RAP1B: variants seen among roughly 807,000 people sequenced by gnomAD.
The protein encoded by RAP1B is RAP1B, member of RAS oncogene family.
In RAP1B, 1 loss-of-function variant was observed where a neutral mutation model predicts 27.5. The ratio of observed to expected loss-of-function variants is 0.04; its 90% CI spans 0.01 to 0.17. The LOEUF (loss-of-function observed/expected upper bound fraction) is 0.17. Among genes scored for constraint, RAP1B ranks in the 10% least tolerant of loss-of-function variants. RAP1B has a pLI of 1.00. For synonymous variants in RAP1B, 75 were observed against 73.1 expected (o/e 1.03, Z -0.13); for missense variants, 84 against 214.8 (o/e 0.39, Z 3.81).
chr12:68,642,240 A>G (rs917262592), intron 1 of RAP1B, among the ~76,000 whole-genome samples: 3 of 152,248 alleles, frequency 2.0e-5, no homozygotes, highest in Non-Finnish European at 4.4e-5. Context: ...AGTTTTTACA[A>G]ATAAATGCTC....
At chr12:68,648,627 T>G (rs1259513086) in intron 1 of RAP1B, 72 bp from the exon 2 acceptor site, 26 of 1,206,276 alleles carry the variant, frequency 2.2e-5, no homozygotes, top group Admixed American at 2.0e-4. Flanking sequence ...TTCCTGAATG[T>G]TTTATTTCTG....
At chr12:68,634,332 GAC>G (rs1044720379) in intron 1 of RAP1B, among the ~76,000 whole-genome samples, 7 of 152,146 alleles carry the variant, frequency 4.6e-5, no homozygotes, top group African/African-American at 1.7e-4. Flanking sequence ...GAGGAAATGA[GAC>G]ACAGTTTAAA....
At chr12:68,646,858 G>T (rs774636819) in intron 1 of RAP1B, among the ~76,000 whole-genome samples, 1 of 152,046 alleles carries the variant, frequency 6.6e-6, no homozygotes, top group Admixed American at 6.6e-5. Context: ...TTTTTATTTA[G>T]TTTTTTCTAG....
chr12:68,639,068 CGA>C (rs535418535), intron 1 of RAP1B, among the ~76,000 whole-genome samples: 42 of 152,250 alleles, frequency 2.8e-4, no homozygotes, highest in African/African-American at 8.7e-4. Context: ...GGGATCTAGT[CGA>C]GAAGTCAAAA....
chr12:68,613,857 CT>C (rs1870793115), intron 1 of RAP1B, among the ~76,000 whole-genome samples: 2 of 152,162 alleles, frequency 1.3e-5, no homozygotes, highest in African/African-American at 4.8e-5. Context: ...TTTGGAATCC[CT>C]TTTACTTGAC....
intron 1 of RAP1B, chr12:68,624,981 A>G (rs974578094): frequency 2.0e-5 from 3 of 152,246 alleles, no homozygotes; most frequent in African/African-American, 7.2e-5. Context: ...AGCCTAGTTA[A>G]CCACCCAGAC....
At chr12:68,611,633 C>G (rs570860029) in intron 1 of RAP1B, among the ~76,000 whole-genome samples, 4 of 152,172 alleles carry the variant, frequency 2.6e-5, no homozygotes, top group Non-Finnish European at 5.9e-5. Context: ...TTGCCTGAAA[C>G]GGGGCTTGCT....
At chr12:68,614,324 C>A (rs937730334) in intron 1 of RAP1B, among the ~76,000 whole-genome samples, 3 of 152,198 alleles carry the variant, frequency 2.0e-5, no homozygotes, top group African/African-American at 7.2e-5. Flanking sequence ...TATCGACTAT[C>A]ACACAGATCT....
At chr12:68,649,771 A>G (rs1873678578) in intron 2 of RAP1B, 1 of 152,294 alleles carries the variant, frequency 6.6e-6, no homozygotes, top group Non-Finnish European at 1.5e-5. Context: ...ATGTGTGTAT[A>G]CATAACAATT....
At chr12:68,617,403 G>A (rs1401979179) in intron 1 of RAP1B, among the ~76,000 whole-genome samples, 10 of 152,166 alleles carry the variant, frequency 6.6e-5, no homozygotes, top group African/African-American at 2.4e-4. Flanking sequence ...CTGGAATCTT[G>A]AATTGAGGGA....
At chr12:68,638,331 TG>T (rs1301199191) in intron 1 of RAP1B, among the ~76,000 whole-genome samples, 3 of 152,182 alleles carry the variant, frequency 2.0e-5, no homozygotes, top group Non-Finnish European at 4.4e-5. Context: ...TGAGAGAGGA[TG>T]TCATGTCCGT....
intron 1 of RAP1B, among the ~76,000 whole-genome samples, chr12:68,630,025 A>G (rs1001354377): frequency 1.3e-5 from 2 of 152,242 alleles, no homozygotes; most frequent in Non-Finnish European, 2.9e-5. Context: ...CTTAAACCAC[A>G]GTAGCCATTG....
At chr12:68,646,243 T>C (rs1464705614) in intron 1 of RAP1B, among the ~76,000 whole-genome samples, 5 of 152,150 alleles carry the variant, frequency 3.3e-5, no homozygotes, top group Non-Finnish European at 7.4e-5. Flanking sequence ...TTGTGTTATG[T>C]TTGGAGGTTT....
At chr12:68,653,764 C>T (rs1592466509) in intron 4 of RAP1B, among the ~76,000 whole-genome samples, 1 of 151,514 alleles carries the variant, frequency 6.6e-6, no homozygotes. Flanking sequence ...CCGTCTCTAC[C>T]GAAATACAAG....
chr12:68,635,091 A>C (rs1424082735), intron 1 of RAP1B, among the ~76,000 whole-genome samples: 1 of 152,230 alleles, frequency 6.6e-6, no homozygotes, highest in African/African-American at 2.4e-5. Context: ...CCTCATTATG[A>C]GAGAGGCAGA....
chr12:68,657,011 C>T, intron 6 of RAP1B, 90 bp from the exon 7 acceptor site: 3 of 1,056,918 alleles, frequency 2.8e-6, no homozygotes, highest in Admixed American at 2.0e-5. Context: ...AATTTATATC[C>T]ATGGAAATTT....
At chr12:68,650,510 A>G in intron 3 of RAP1B, 42 bp downstream of exon 3, 2 of 1,344,886 alleles carry the variant, frequency 1.5e-6, no homozygotes, top group Non-Finnish European at 2.0e-6. Context: ...TGATTTTAAT[A>G]TAAATACTTA....
chr12:68,636,839 C>T (rs545398762), intron 1 of RAP1B, among the ~76,000 whole-genome samples: 60 of 151,598 alleles, frequency 4.0e-4, no homozygotes, highest in South Asian at 4.0e-3. Context: ...TTTTTAGTAG[C>T]GATGGGGTTT....
In RAP1B at chr12:68,656,289, C is replaced by G; in HGVS notation, c.325-17C>G. On this transcript the variant is annotated splice_polypyrimidine_tract_variant and intron_variant, in intron 5 of 7. Coordinates refer to ENST00000250559, the MANE Select transcript of RAP1B (RefSeq NM_001010942.3). ...ATATTTACTTATTTATTTTTACTCT[C>G]ACAAATGTATTTTTAGGTTCCAATG... 1 of 1,583,216 alleles carries G rather than the reference C, an allele frequency of 6.3e-7. No homozygotes were observed. Among genetic ancestry groups the G allele is most frequent in the East Asian group, 2.2e-5 (1 of 44,516 alleles).
Sources: allele counts gnomAD v4.1 joint callset (sites outside exome capture counted in the v4.1 genomes callset), GRCh38; gene constraint gnomAD v4.1.1; transcripts MANE v1.5; gene names NCBI Gene and HGNC (gene_info 2026-07-23, HGNC 2026-07-21).